Variants in CHST11 observed in about 807,000 individuals in gnomAD.
CHST11 encodes carbohydrate sulfotransferase 11.
CHST11 carries 9 observed loss-of-function variants against 30.4 expected under a neutral mutation model. That is an observed-to-expected ratio of 0.30 (90% CI 0.18 to 0.52). The LOEUF is 0.52. CHST11 is among the 20% of genes least tolerant of loss of function. CHST11 has a pLI of 0.97. For synonymous variants in CHST11, 152 were observed against 187.8 expected (o/e 0.81, Z 1.56); for missense variants, 348 against 460.6 (o/e 0.76, Z 2.24).
intron 1 of CHST11, among the ~76,000 whole-genome samples, 172 bp downstream of exon 1, chr12:104,457,701 G>C (rs1374488016): frequency 1.3e-5 from 2 of 152,168 alleles, no homozygotes. Context: ...CACCGCGTCG[G>C]GATGGGGAGG....
chr12:104,651,097 C>A (rs1477371685), intron 2 of CHST11, among the ~76,000 whole-genome samples: 1 of 152,232 alleles, frequency 6.6e-6, no homozygotes, highest in Admixed American at 6.5e-5. Context: ...TTTCAAGACC[C>A]TCAGTCTGGT....
At chr12:104,630,361 T>C (rs1215823680) in intron 2 of CHST11, among the ~76,000 whole-genome samples, 4 of 152,192 alleles carry the variant, frequency 2.6e-5, no homozygotes, top group Non-Finnish European at 2.9e-5. Context: ...GTTGTAAAGG[T>C]TAAACAAGTT....
intron 2 of CHST11, among the ~76,000 whole-genome samples, chr12:104,728,156 C>A (rs181275077): frequency 6.6e-6 from 1 of 152,162 alleles, no homozygotes. Flanking sequence ...TGGGCTGCGG[C>A]TTTAATTGGG....
intron 2 of CHST11, among the ~76,000 whole-genome samples, chr12:104,651,840 A>T (rs1203337481): frequency 1.3e-5 from 2 of 152,024 alleles, no homozygotes; most frequent in Admixed American, 6.6e-5. Flanking sequence ...TTCTTTTCTC[A>T]TGCATGGATG....
In CHST11 at chr12:104,458,761, A is replaced by G. The variant is rs955477273; in HGVS notation, c.118+1232A>G. On this transcript the variant is annotated intron_variant, in intron 1 of 2. Coordinates refer to ENST00000303694, the MANE Select transcript of CHST11 (RefSeq NM_018413.6). This position sits in a 1 kb window ranked among gnomAD's most constrained non-coding sequence, Gnocchi z 5.7. ...GCTTTTCTAATTGCAAGGAGGAGGG[A>G]GGTGGAAACGCATTTCCTTCCAGGG... 3.7e-4 allele frequency among the ~76,000 whole-genome samples: 56 copies of G among 152,216 alleles called. No homozygotes were observed. Among genetic ancestry groups the G allele is most frequent in the African/African-American group, 1.3e-3 (55 of 41,450 alleles).
chr12:104,589,546 G>A (rs1240175567), intron 1 of CHST11, among the ~76,000 whole-genome samples: 1 of 152,196 alleles, frequency 6.6e-6, no homozygotes, highest in Non-Finnish European at 1.5e-5. Context: ...GAATGTGAAT[G>A]TACTTAATGC....
At chr12:104,462,074 GC>G (rs2037412860) in intron 1 of CHST11, among the ~76,000 whole-genome samples, 1 of 149,888 alleles carries the variant, frequency 6.7e-6, no homozygotes, top group Non-Finnish European at 1.5e-5. Flanking sequence ...GGCTGAGGCA[GC>G]AGAATCACTT....
intron 2 of CHST11, among the ~76,000 whole-genome samples, chr12:104,636,501 C>T (rs183892986): frequency 5.4e-4 from 83 of 152,348 alleles, no homozygotes; most frequent in African/African-American, 1.9e-3. Flanking sequence ...TACCGTCTTT[C>T]TCTATGGCAC....
intron 2 of CHST11, among the ~76,000 whole-genome samples, chr12:104,622,085 T>C (rs1338143096): frequency 6.6e-6 from 1 of 152,244 alleles, no homozygotes; most frequent in Non-Finnish European, 1.5e-5. Context: ...ACATCATGGC[T>C]TACATACCGG....
intron 1 of CHST11, among the ~76,000 whole-genome samples, chr12:104,500,323 T>C (rs1415296124): frequency 1.3e-5 from 2 of 152,192 alleles, no homozygotes; most frequent in Non-Finnish European, 2.9e-5. Context: ...TTTTTTTACA[T>C]TGGGAGGTAA....
chr12:104,521,475 G>C (rs76446266), intron 1 of CHST11, among the ~76,000 whole-genome samples: 2,139 of 152,226 alleles, frequency 0.014, 53 homozygotes, highest in African/African-American at 0.049. Flanking sequence ...GTCGTTTTAC[G>C]TCTTTATTTT....
chr12:104,544,308 G>A (rs1429091497), intron 1 of CHST11, among the ~76,000 whole-genome samples: 2 of 152,088 alleles, frequency 1.3e-5, no homozygotes, highest in Non-Finnish European at 2.9e-5. Context: ...CATAGTTAAG[G>A]ATAACTGAGA....
chr12:104,720,773 G>GA (rs372343107), intron 2 of CHST11, among the ~76,000 whole-genome samples: 6 of 149,246 alleles, frequency 4.0e-5, no homozygotes, highest in South Asian at 2.1e-4. Context: ...AATCTAATTT[G>GA]AAAAAAAAAC....
At chr12:104,739,020 G>T (rs1424159761) in intron 2 of CHST11, among the ~76,000 whole-genome samples, 1 of 152,234 alleles carries the variant, frequency 6.6e-6, no homozygotes, top group Non-Finnish European at 1.5e-5. Flanking sequence ...CTGGGCAGGG[G>T]TGAGGGGTGA....
chr12:104,746,111 C>T (rs149337810), intron 2 of CHST11, among the ~76,000 whole-genome samples: 19 of 152,278 alleles, frequency 1.2e-4, no homozygotes, highest in South Asian at 4.1e-4. Flanking sequence ...TGAAACATCT[C>T]GAAAGACCAG....
intron 2 of CHST11, among the ~76,000 whole-genome samples, chr12:104,682,552 C>T (rs2039807373): frequency 6.6e-6 from 1 of 152,216 alleles, no homozygotes; most frequent in Admixed American, 6.5e-5. Flanking sequence ...CTCCTGGTTA[C>T]CCCAGTTTTG....
chr12:104,459,329 G>A (rs1050976427), intron 1 of CHST11, among the ~76,000 whole-genome samples: 1 of 152,138 alleles, frequency 6.6e-6, no homozygotes, highest in African/African-American at 2.4e-5. Flanking sequence ...GAGCGCCAGG[G>A]GACTGGTGGT....
chr12:104,693,719 G>A (rs781544902), intron 2 of CHST11, among the ~76,000 whole-genome samples: 23 of 152,158 alleles, frequency 1.5e-4, no homozygotes, highest in Admixed American at 1.0e-3. Context: ...TGGAGGAGGC[G>A]ACAACTAAGA....
intron 2 of CHST11, among the ~76,000 whole-genome samples, chr12:104,746,576 A>C (rs976863224): frequency 1.3e-5 from 2 of 151,932 alleles, no homozygotes; most frequent in Non-Finnish European, 2.9e-5. Context: ...GCCACGGTGC[A>C]TTTTCCTTCT....
Sources: gnomAD v4.1 joint callset for allele counts (sites outside exome capture counted in the v4.1 genomes callset) on GRCh38, gnomAD v4.1.1 for gene constraint, Gnocchi (gnomAD v3.1) non-coding constraint, MANE v1.5 for transcripts, NCBI Gene and HGNC (gene_info 2026-07-23, HGNC 2026-07-21) for gene names.